Variants in PSEN1 observed in about 807,000 individuals in gnomAD.
PSEN1 encodes the protein presenilin-1.
A neutral mutation model predicts 53.5 loss-of-function variants in PSEN1; 15 were observed. That is an observed-to-expected ratio of 0.28 (90% CI 0.19 to 0.43). The LOEUF is 0.43. Among genes scored for constraint, PSEN1 ranks in the 20% least tolerant of loss-of-function variants. The pLI is 1.00. For synonymous variants in PSEN1, 208 were observed against 209.8 expected (o/e 0.99, Z 0.08); for missense variants, 387 against 571.2 (o/e 0.68, Z 3.29).
intron 8 of PSEN1, 101 bp downstream of exon 8, chr14:73,198,230 T>C (rs539387360): frequency 1.3e-6 from 1 of 741,694 alleles, no homozygotes; most frequent in East Asian, 2.7e-5. Flanking sequence ...TGTTCTCATC[T>C]TAAATGCACA....
At chr14:73,174,149 A>C (rs1897977037) in intron 5 of PSEN1, 2 of 197,558 alleles carry the variant, frequency 1.0e-5, no homozygotes, top group African/African-American at 2.3e-5. Flanking sequence ...TTGTCTCAAA[A>C]AATAAAAGCA....
rs1321710782 is a variant in PSEN1, at chr14:73,197,545, C to G, written c.770-486C>G. Among the ~76,000 whole-genome samples, 4 of 152,290 alleles carry G rather than the reference C, an allele frequency of 2.6e-5. No homozygotes were observed. The South Asian group carries it at 8.3e-4, about 32-fold the overall frequency. On this transcript the variant is annotated intron_variant, in intron 7 of 11. Transcript: ENST00000324501. ...AAAAAGGAGAAGGGATGAATTTCTT[C>G]TACTCTGCTCTTCATATTTTGAAAA...
rs941171530 is a variant in PSEN1, at chr14:73,222,056, C to T, written c.*2767C>T. 6.6e-6 allele frequency: 1 copy of T among 152,128 alleles called. No individual in the cohort carries two copies. The highest frequency in any genetic ancestry group is 2.4e-5 in the African/African-American group (1 of 41,406). 9.4% of individuals were successfully genotyped at this position (152,128 alleles called of 1,614,324 possible). A position where few individuals can be genotyped will look rare whatever the true frequency, so the allele number is the denominator to read the frequency against. On this transcript the variant is annotated 3_prime_UTR_variant, in exon 12 of 12. Coordinates refer to ENST00000324501, the MANE Select transcript of PSEN1 (RefSeq NM_000021.4). ...TGTCATTACATGCCTATGGGAATACCAATCATATTTGGAAGATTTGCAGAT... is the reference window on the plus strand; with the variant it reads ...TGTCATTACATGCCTATGGGAATACTAATCATATTTGGAAGATTTGCAGAT...
chr14:73,214,665 A>C (rs1899839185), intron 10 of PSEN1, among the ~76,000 whole-genome samples: 1 of 152,238 alleles, frequency 6.6e-6, no homozygotes, highest in Non-Finnish European at 1.5e-5. Flanking sequence ...ACATGAATAA[A>C]TCTTGAGTAC....
At chr14:73,140,203 T>C (rs1393737364) in intron 1 of PSEN1, among the ~76,000 whole-genome samples, 2 of 25,782 alleles carry the variant, frequency 7.8e-5, no homozygotes, top group African/African-American at 3.7e-4. Flanking sequence ...TTTGCTATTC[T>C]TTTTTTTTTT....
chr14:73,165,748 TAA>T (rs1255488298), intron 3 of PSEN1, among the ~76,000 whole-genome samples: 11 of 102,578 alleles, frequency 1.1e-4, no homozygotes, highest in African/African-American at 7.3e-5. Flanking sequence ...AACTCCGTCT[TAA>T]AAAAAAAAAA....
Position 73,217,257 on chromosome 14 carries a change from T to A in PSEN1, c.1248+13T>A, listed in dbSNP as rs1899956178. The A allele has an allele frequency of 6.2e-7, 1 of 1,613,778 alleles. No homozygotes were observed. The highest frequency in any genetic ancestry group is 8.5e-7 in the Non-Finnish European group (1 of 1,179,796). On this transcript the variant is annotated intron_variant, in intron 11 of 11. Transcript: ENST00000324501. ...AGCCATATTAATTGTAAGTATACAC[T>A]AATAAGAATGTGTCAGAGCTCTTAA...
chr14:73,200,660 T>G (rs528869171), intron 8 of PSEN1, among the ~76,000 whole-genome samples: 2 of 152,320 alleles, frequency 1.3e-5, no homozygotes, highest in African/African-American at 4.8e-5. Context: ...CTAATCTTAA[T>G]GCCTTATCAA....
intron 1 of PSEN1, chr14:73,146,138 T>G (rs912677186): frequency 6.6e-6 from 1 of 151,318 alleles, no homozygotes; most frequent in African/African-American, 2.4e-5. Flanking sequence ...TATCGATAAC[T>G]CTTAAGTATA....
chr14:73,208,587 C>T (rs776529290), intron 9 of PSEN1, among the ~76,000 whole-genome samples: 1 of 152,208 alleles, frequency 6.6e-6, no homozygotes, highest in Non-Finnish European at 1.5e-5. Context: ...TGGGTAGCTT[C>T]TTTCTGCAGG....
chr14:73,177,530 C>T (rs1247432400), intron 5 of PSEN1, among the ~76,000 whole-genome samples: 2 of 152,198 alleles, frequency 1.3e-5, no homozygotes, highest in South Asian at 4.1e-4. Flanking sequence ...TCTGTCTGAA[C>T]ATCTTCCTTT....
At chr14:73,150,638 C>T (rs1897191346) in intron 3 of PSEN1, among the ~76,000 whole-genome samples, 1 of 151,824 alleles carries the variant, frequency 6.6e-6, no homozygotes, top group Middle Eastern at 3.4e-3. Context: ...TGATGGCAGG[C>T]ACCTGTAATC....
chr14:73,212,554 A>T (rs1440960342), intron 10 of PSEN1, among the ~76,000 whole-genome samples: 1 of 152,062 alleles, frequency 6.6e-6, no homozygotes, highest in Non-Finnish European at 1.5e-5. Context: ...AATATGTCTC[A>T]CTCTGCTGTA....
At chr14:73,190,298 G>C (rs1388481843) in intron 6 of PSEN1, among the ~76,000 whole-genome samples, 5 of 151,822 alleles carry the variant, frequency 3.3e-5, no homozygotes, top group Admixed American at 3.3e-4. Context: ...GACCATCCTG[G>C]GCAACATGGT....
chr14:73,181,607 A>G (rs1898216217), intron 5 of PSEN1, among the ~76,000 whole-genome samples: 2 of 152,136 alleles, frequency 1.3e-5, no homozygotes, highest in Admixed American at 6.5e-5. Flanking sequence ...AAAAAAAATC[A>G]TATTTTCAAA....
Position 73,222,105 on chromosome 14 carries a change from A to G in PSEN1, c.*2816A>G, listed in dbSNP as rs977621148. 3 of 152,198 alleles carry G rather than the reference A, an allele frequency of 2.0e-5. No individual in the cohort carries two copies. Among genetic ancestry groups the G allele is most frequent in the African/African-American group, 7.2e-5 (3 of 41,452 alleles). The allele number at this position is 152,198 out of a possible 1,614,324, so 9.4% of individuals were successfully genotyped here. On this transcript the variant is annotated 3_prime_UTR_variant, in exon 12 of 12. Coordinates refer to ENST00000324501, the MANE Select transcript of PSEN1 (RefSeq NM_000021.4). ...ATTTTTTTTCAGAGAGGAAAGACTCACCTTCCTGTTTTTGGTTCTCAGTAG... is the reference window on the plus strand; with the variant it reads ...ATTTTTTTTCAGAGAGGAAAGACTCGCCTTCCTGTTTTTGGTTCTCAGTAG...
At chr14:73,195,956 A>G (rs976912019) in intron 7 of PSEN1, among the ~76,000 whole-genome samples, 3 of 152,178 alleles carry the variant, frequency 2.0e-5, no homozygotes, top group Non-Finnish European at 4.4e-5. Flanking sequence ...CCCAAGTCCA[A>G]TATTCTTTTC....
chr14:73,192,884 ATTTG>A lies in PSEN1; in HGVS notation c.769+26_769+29del, dbSNP rs1379933801. 1.3e-6 allele frequency: 2 copies of A among 1,571,504 alleles called. No individual in the cohort carries two copies. Among genetic ancestry groups the A allele is most frequent in the South Asian group, 1.1e-5 (1 of 90,200 alleles). On this transcript the variant is annotated intron_variant, in intron 7 of 11. Transcript: ENST00000324501. ...TATATGGTAAAACCCAAGACTGATAATTTGTTTGTCACAGGAATGCCCCACTGGA... is the reference window on the plus strand; with the variant it reads ...TATATGGTAAAACCCAAGACTGATAATTTGTCACAGGAATGCCCCACTGGA...
intron 9 of PSEN1, among the ~76,000 whole-genome samples, chr14:73,207,582 G>C (rs915732831): frequency 1.3e-5 from 2 of 152,236 alleles, no homozygotes; most frequent in Non-Finnish European, 2.9e-5. Context: ...AGAGATGTGA[G>C]TCTTTATTAT....
Sources: gnomAD v4.1 joint callset for allele counts (sites outside exome capture counted in the v4.1 genomes callset) on GRCh38, gnomAD v4.1.1 for gene constraint, MANE v1.5 for transcripts, NCBI Gene and HGNC (gene_info 2026-07-23, HGNC 2026-07-21) for gene names.